ZMAT4: variants seen among roughly 807,000 people sequenced by gnomAD.
The protein encoded by ZMAT4 is zinc finger matrin-type 4.
A neutral mutation model predicts 28.7 loss-of-function variants in ZMAT4; 17 were observed. That is an observed-to-expected ratio of 0.59 (90% CI 0.41 to 0.89). The LOEUF (loss-of-function observed/expected upper bound fraction) is 0.89, where lower values mean the gene tolerates loss of function less well. Ranked by LOEUF, ZMAT4 falls within the 40% of genes least tolerant of loss-of-function variation. ZMAT4 has a pLI of 0.00. For synonymous variants in ZMAT4, 117 were observed against 109.2 expected (o/e 1.07, Z -0.44); for missense variants, 240 against 283.8 (o/e 0.85, Z 1.11).
intron 3 of ZMAT4, among the ~76,000 whole-genome samples, chr8:40,730,374 A>T (rs1811485773): frequency 1.3e-5 from 2 of 152,232 alleles, no homozygotes; most frequent in Non-Finnish European, 2.9e-5. Context: ...AGATGAATTG[A>T]TTTAAATCTA....
chr8:40,889,605 C>T (rs976129057), intron 1 of ZMAT4, among the ~76,000 whole-genome samples: 1 of 152,074 alleles, frequency 6.6e-6, no homozygotes, highest in African/African-American at 2.4e-5. Context: ...ACTACATACA[C>T]CTTTTGTTTT....
At chr8:40,718,873 C>T (rs1282423281) in intron 3 of ZMAT4, among the ~76,000 whole-genome samples, 1 of 152,158 alleles carries the variant, frequency 6.6e-6, no homozygotes, top group Non-Finnish European at 1.5e-5. Flanking sequence ...ATTCAAGTTC[C>T]AATTTCTGAT....
chr8:40,647,796 G>A (rs1213274482), intron 5 of ZMAT4, among the ~76,000 whole-genome samples: 1 of 152,134 alleles, frequency 6.6e-6, no homozygotes, highest in East Asian at 1.9e-4. Flanking sequence ...TAACTGGGAG[G>A]CACCCCCAAG....
At chr8:40,570,761 G>C (rs1000636024) in intron 6 of ZMAT4, among the ~76,000 whole-genome samples, 9 of 111,916 alleles carry the variant, frequency 8.0e-5, no homozygotes, top group African/African-American at 2.9e-4. Context: ...AAAACCTTGT[G>C]AAGTTTTTAA....
intron 3 of ZMAT4, among the ~76,000 whole-genome samples, chr8:40,710,062 C>A (rs368535870): frequency 5.9e-4 from 86 of 146,030 alleles, no homozygotes; most frequent in Non-Finnish European, 1.1e-3. Flanking sequence ...AAAGAAACAA[C>A]TGGTGGTAGT....
At chr8:40,728,887 C>T (rs767017021) in intron 3 of ZMAT4, among the ~76,000 whole-genome samples, 4 of 152,142 alleles carry the variant, frequency 2.6e-5, no homozygotes, top group African/African-American at 4.8e-5. Flanking sequence ...TGATTTTTCT[C>T]ACCATAGACT....
chr8:40,791,640 G>A (rs1442505095), intron 2 of ZMAT4, among the ~76,000 whole-genome samples: 1 of 152,182 alleles, frequency 6.6e-6, no homozygotes, highest in African/African-American at 2.4e-5. Flanking sequence ...GCAGGGAATA[G>A]TCCGAATTGC....
intron 3 of ZMAT4, among the ~76,000 whole-genome samples, chr8:40,708,192 C>T (rs1266806840): frequency 6.6e-6 from 1 of 152,192 alleles, no homozygotes; most frequent in Admixed American, 6.5e-5. Context: ...CTCTGCTGGA[C>T]CTGGAGCCAG....
chr8:40,839,769 T>C (rs892124626), intron 1 of ZMAT4, among the ~76,000 whole-genome samples: 1 of 152,128 alleles, frequency 6.6e-6, no homozygotes, highest in Non-Finnish European at 1.5e-5. Context: ...GTATAACACA[T>C]GGACATAGAG....
chr8:40,828,812 CA>C (rs1193654501), intron 1 of ZMAT4, among the ~76,000 whole-genome samples: 4 of 152,226 alleles, frequency 2.6e-5, no homozygotes, highest in Non-Finnish European at 4.4e-5. Context: ...TCACTTTAGA[CA>C]ACCAGAGGGT....
chr8:40,737,681 C>A (rs886544512), intron 3 of ZMAT4, among the ~76,000 whole-genome samples: 1 of 152,016 alleles, frequency 6.6e-6, no homozygotes, highest in African/African-American at 2.4e-5. Context: ...CGTAAACTTG[C>A]TCAAGGAGAG....
chr8:40,601,505 GAA>G (rs1554525410), intron 5 of ZMAT4, among the ~76,000 whole-genome samples: 16 of 142,252 alleles, frequency 1.1e-4, no homozygotes, highest in Admixed American at 1.4e-4. Context: ...GAGAAAGAAA[GAA>G]AGAGAAAGAG....
chr8:40,654,253 T>G (rs1807818346), intron 5 of ZMAT4, among the ~76,000 whole-genome samples: 1 of 152,016 alleles, frequency 6.6e-6, no homozygotes, highest in Admixed American at 6.6e-5. Flanking sequence ...TACAGTCAAG[T>G]CCCCTCTCTG....
chr8:40,552,483 C>CTGGAT (rs1803395872), intron 6 of ZMAT4, among the ~76,000 whole-genome samples: 2 of 152,188 alleles, frequency 1.3e-5, no homozygotes, highest in South Asian at 4.1e-4. Context: ...CTGCAAAGGA[C>CTGGAT]TGGATAAGCC....
chr8:40,650,864 C>T (rs1036047395), intron 5 of ZMAT4, among the ~76,000 whole-genome samples: 3 of 151,964 alleles, frequency 2.0e-5, no homozygotes, highest in Admixed American at 1.3e-4. Context: ...AAACCTTTGA[C>T]AAAATTCAAC....
chr8:40,730,627 G>A (rs934447730), intron 3 of ZMAT4, among the ~76,000 whole-genome samples: 1 of 152,168 alleles, frequency 6.6e-6, no homozygotes, highest in Non-Finnish European at 1.5e-5. Flanking sequence ...ATCTAAGTGT[G>A]TGTCTGAGTG....
intron 2 of ZMAT4, among the ~76,000 whole-genome samples, chr8:40,781,425 C>G (rs1208776545): frequency 6.6e-6 from 1 of 152,074 alleles, no homozygotes; most frequent in African/African-American, 2.4e-5. Context: ...CAGGGTGGTA[C>G]CGGCATAAAG....
chr8:40,731,276 G>C (rs1265946397), intron 3 of ZMAT4, among the ~76,000 whole-genome samples: 2 of 149,672 alleles, frequency 1.3e-5, no homozygotes, highest in Non-Finnish European at 3.0e-5. Context: ...ACATTCCAAA[G>C]TAACTGCATA....
chr8:40,882,204 C>G (rs1187657788), intron 1 of ZMAT4, among the ~76,000 whole-genome samples: 1 of 152,120 alleles, frequency 6.6e-6, no homozygotes, highest in Non-Finnish European at 1.5e-5. Context: ...TTAGAGAGAT[C>G]GATAGGGTTT....
Sources: gnomAD v4.1 joint callset for allele counts (sites outside exome capture counted in the v4.1 genomes callset) on GRCh38, gnomAD v4.1.1 for gene constraint, MANE v1.5 for transcripts, NCBI Gene and HGNC (gene_info 2026-07-23, HGNC 2026-07-21) for gene names.